The following YIPF4 variants were observed in gnomAD, a reference collection of about 807,000 sequenced individuals.
YIPF4 encodes the protein protein YIPF4.
Under a neutral mutation model 29.4 loss-of-function variants are expected in YIPF4, and 18 were observed. The observed-to-expected ratio is 0.61, with a 90% CI of 0.42 to 0.91. The LOEUF is 0.91. YIPF4 is among the 40% of genes least tolerant of loss of function. YIPF4 has a pLI of 0.00. For missense variants in YIPF4, 279 were observed against 282.7 expected (o/e 0.99, Z 0.09); for synonymous variants, 115 against 104.7 (o/e 1.10, Z -0.60).
At chr2:32,288,841 G>A (rs954756180) in intron 1 of YIPF4, among the ~76,000 whole-genome samples, 1 of 151,818 alleles carries the variant, frequency 6.6e-6, no homozygotes, top group African/African-American at 2.4e-5. Context: ...ATGGTTGTGT[G>A]CACCTGTAAT....
chr2:32,278,334 A>T, intron 1 of YIPF4, 100 bp downstream of exon 1: 1 of 1,229,764 alleles, frequency 8.1e-7, no homozygotes, highest in Non-Finnish European at 1.1e-6. Flanking sequence ...GGGTGGGGAC[A>T]GGCAGGAAGC....
intron 1 of YIPF4, among the ~76,000 whole-genome samples, chr2:32,289,141 A>C (rs1038504996): frequency 7.2e-5 from 11 of 152,200 alleles, no homozygotes; most frequent in African/African-American, 2.7e-4. Flanking sequence ...GGTGAATTCA[A>C]ATCTGGTTAT....
At chr2:32,290,381 G>C (rs911526512) in intron 1 of YIPF4, 102 bp from the exon 2 acceptor site, 2 of 869,558 alleles carry the variant, frequency 2.3e-6, no homozygotes, top group African/African-American at 3.5e-5. Flanking sequence ...TGTTCTTAGA[G>C]ATCTTCAAAT....
At position 32,305,570 on chromosome 2, in the gene YIPF4, A is replaced by G. The variant is rs145264226; in HGVS notation, c.679A>G (p.Ile227Val). 2.0e-3 allele frequency: 3,247 copies of G among 1,610,008 alleles called. 2 individuals are homozygous for G. The highest frequency in any genetic ancestry group is 2.5e-3 in the Non-Finnish European group (2,951 of 1,178,156). The change falls in exon 6 of 6, where the codon ATT becomes GTT. Residue 227 changes from isoleucine (I) to valine (V), a missense_variant. Coordinates refer to ENST00000238831, the MANE Select transcript of YIPF4 (RefSeq NM_032312.4). ...ATTCAAGACCAAAAAGCCTCTTCTGATTTATCCAATCTTTTTATTATACAT... is the reference window on the plus strand; with the variant it reads ...ATTCAAGACCAAAAAGCCTCTTCTGGTTTATCCAATCTTTTTATTATACAT... The part of the protein sequence containing the change: ...EEFKTKKPLL[I>V]YPIFLLYIYF...
rs899266096 is a variant in YIPF4 at position 32,278,083 on chromosome 2, C to G, written c.-73C>G. On this transcript the variant is annotated 5_prime_UTR_variant, in exon 1 of 6. Coordinates refer to ENST00000238831, the MANE Select transcript of YIPF4 (RefSeq NM_032312.4). ...CACCGTAGGGCGAGCGTGCGGGTCG[C>G]CGCCGCGGCCGCCTCGGGGTCTGGG... 9 of 1,382,352 alleles carry G rather than the reference C, an allele frequency of 6.5e-6. No individual in the cohort carries two copies. In the African/African-American group the frequency reaches 1.4e-4, roughly 21 times the overall value. 85.6% of individuals were successfully genotyped at this position (1,382,352 alleles called of 1,614,324 possible).
At chr2:32,279,741 G>A (rs936913217) in intron 1 of YIPF4, among the ~76,000 whole-genome samples, 1 of 151,830 alleles carries the variant, frequency 6.6e-6, no homozygotes, top group African/African-American at 2.4e-5. Flanking sequence ...GAAATTTTAT[G>A]GTGTATCAGT....
In YIPF4 at chr2:32,315,360, C is replaced by T. The variant is rs1486319751; in HGVS notation, c.*9734C>T. 1 of 152,240 alleles carries T rather than the reference C, an allele frequency of 6.6e-6. No individual in the cohort carries two copies. Among genetic ancestry groups the T allele is most frequent in the Non-Finnish European group, 1.5e-5 (1 of 68,072 alleles). The allele number at this position is 152,240 out of a possible 1,614,324, so 9.4% of individuals were successfully genotyped here. A position where few individuals can be genotyped will look rare whatever the true frequency, so the allele number is the denominator to read the frequency against. Reference sequence around the variant, plus strand: ...GGGAAAGTATTTTAAGCTGGGACATCCCAGCCCTGAGTGAAGTCAGGGATC... The same window carrying T: ...GGGAAAGTATTTTAAGCTGGGACATTCCAGCCCTGAGTGAAGTCAGGGATC... On this transcript the variant is annotated 3_prime_UTR_variant, in exon 6 of 6. Coordinates refer to ENST00000238831, the MANE Select transcript of YIPF4 (RefSeq NM_032312.4).
At position 32,309,619 on chromosome 2, in the gene YIPF4, C is replaced by A. The variant is rs529776177; in HGVS notation, c.*3993C>A. 1.3e-5 allele frequency: 2 copies of A among 148,938 alleles called. No individual in the cohort carries two copies. The highest frequency in any genetic ancestry group is 5.0e-5 in the African/African-American group (2 of 40,392). The allele number at this position is 148,938 out of a possible 1,614,324, so 9.2% of individuals were successfully genotyped here. A position where few individuals can be genotyped will look rare whatever the true frequency, so the allele number is the denominator to read the frequency against. On this transcript the variant is annotated 3_prime_UTR_variant, in exon 6 of 6. Coordinates refer to ENST00000238831, the MANE Select transcript of YIPF4 (RefSeq NM_032312.4). The stretch of plus-strand genomic sequence containing the variant: ...AGTGAACAAAACTAGTTGAATACTT[C>A]TAAATATTCATTTTTGTTAGTGCAC...
intron 1 of YIPF4, among the ~76,000 whole-genome samples, chr2:32,279,286 A>G (rs543157912): frequency 6.8e-6 from 1 of 147,404 alleles, no homozygotes; most frequent in East Asian, 2.1e-4. Context: ...TCAAATTTTT[A>G]TTACACTTCG....
chr2:32,305,145 A>G (rs1323536791), intron 5 of YIPF4, among the ~76,000 whole-genome samples: 4 of 152,164 alleles, frequency 2.6e-5, no homozygotes, highest in Non-Finnish European at 5.9e-5. Flanking sequence ...TATTTAAAAT[A>G]CTGATAACTA....
rs1558485266 is a variant in YIPF4 at position 32,312,515 on chromosome 2, A to AT, written c.*6889_*6890insT. The AT allele has an allele frequency of 6.6e-6, 1 of 150,410 alleles. No homozygotes were observed. Among genetic ancestry groups the AT allele is most frequent in the East Asian group, 1.9e-4 (1 of 5,164 alleles). The allele number at this position is 150,410 out of a possible 1,614,324, so 9.3% of individuals were successfully genotyped here. ...AAAAAAAAAAAAAAAAAAAAAAAAA[A>AT]AAAATTATTTTCAAAGGATTGTGCT... On this transcript the variant is annotated 3_prime_UTR_variant, in exon 6 of 6. Transcript: ENST00000238831.
Position 32,294,030 on chromosome 2 carries a change from C to T in YIPF4, c.405+1682C>T, listed in dbSNP as rs558263922. Among the ~76,000 whole-genome samples the T allele has an allele frequency of 2.7e-3, 402 of 148,130 alleles. 1 individual carries two copies. The highest frequency in any genetic ancestry group is 4.2e-3 in the Non-Finnish European group (283 of 66,734). ...CTCCCTCCCGGACAGGGCGGCTGGC[C>T]GGGCAGAGGGGCTCCTCACTTCCCA... On this transcript the variant is annotated intron_variant, in intron 3 of 5. Transcript: ENST00000238831.
intron 1 of YIPF4, among the ~76,000 whole-genome samples, chr2:32,287,183 T>G (rs2148959686): frequency 6.6e-6 from 1 of 152,272 alleles, no homozygotes; most frequent in South Asian, 2.1e-4. Context: ...AGGTGGAGAT[T>G]GCAGTGAGTT....
intron 3 of YIPF4, among the ~76,000 whole-genome samples, chr2:32,294,257 C>G (rs904165764): frequency 4.0e-5 from 6 of 151,424 alleles, no homozygotes; most frequent in African/African-American, 1.5e-4. Flanking sequence ...GGAGGGGCTC[C>G]TCACTTCTCA....
At chr2:32,290,446 C>A in intron 1 of YIPF4, 37 bp from the exon 2 acceptor site, 1 of 1,384,488 alleles carries the variant, frequency 7.2e-7, no homozygotes, top group Non-Finnish European at 9.4e-7. Context: ...ACATGTTGTG[C>A]CTTAGTTTAT....
chr2:32,293,881 C>G (rs1190740849), intron 3 of YIPF4, among the ~76,000 whole-genome samples: 2 of 144,642 alleles, frequency 1.4e-5, no homozygotes, highest in East Asian at 4.2e-4. Flanking sequence ...GGCGGCTGGC[C>G]GGGCGGGGGG....
Position 32,311,233 on chromosome 2 carries a change from AT to A in YIPF4, c.*5611del, listed in dbSNP as rs2031710150. 1 of 152,200 alleles carries A rather than the reference AT, an allele frequency of 6.6e-6. No homozygotes were observed. The highest frequency in any genetic ancestry group is 6.5e-5 in the Admixed American group (1 of 15,274). The allele number at this position is 152,200 out of a possible 1,614,324, so 9.4% of individuals were successfully genotyped here. ...TTTTATTTATAACAAACTGGTGAAA[AT>A]TTTAGACCAAACCATGTCTTTCTGG... On this transcript the variant is annotated 3_prime_UTR_variant, in exon 6 of 6. Coordinates refer to ENST00000238831, the MANE Select transcript of YIPF4 (RefSeq NM_032312.4).
chr2:32,295,299 A>G (rs898755377), intron 3 of YIPF4, among the ~76,000 whole-genome samples: 5 of 152,214 alleles, frequency 3.3e-5, no homozygotes, highest in African/African-American at 4.8e-5. Context: ...TGTTTACCAC[A>G]GGGATTTGGA....
At chr2:32,293,453 A>C (rs1162123392) in intron 3 of YIPF4, among the ~76,000 whole-genome samples, 3 of 152,266 alleles carry the variant, frequency 2.0e-5, no homozygotes, top group African/African-American at 7.2e-5. Context: ...AATTTTTCTT[A>C]GTACAGAACA....
Sources: gnomAD v4.1 joint callset for allele counts (sites outside exome capture counted in the v4.1 genomes callset) on GRCh38, gnomAD v4.1.1 for gene constraint, MANE v1.5 for transcripts, NCBI Gene and HGNC (gene_info 2026-07-23, HGNC 2026-07-21) for gene names.